The following KHDRBS3 variants were observed in gnomAD, a reference collection of about 807,000 sequenced individuals.
KHDRBS3 encodes the protein KH RNA binding domain containing, signal transduction associated 3, also known as KH domain-containing, RNA-binding, signal transduction-associated protein 3.
A neutral mutation model predicts 45.6 loss-of-function variants in KHDRBS3; 23 were observed. That is an observed-to-expected ratio of 0.50 (90% CI 0.36 to 0.72). The LOEUF (loss-of-function observed/expected upper bound fraction) is 0.72. KHDRBS3 is among the 30% of genes least tolerant of loss of function. The pLI is 0.00. For synonymous variants in KHDRBS3, 162 were observed against 156.5 expected (o/e 1.04, Z -0.26); for missense variants, 352 against 424.8 (o/e 0.83, Z 1.51).
At position 135,629,713 on chromosome 8, in the gene KHDRBS3, G is replaced by A. The variant is rs553633783; in HGVS notation, c.891-15346G>A. Among the ~76,000 whole-genome samples the A allele has an allele frequency of 2.6e-5, 4 of 152,348 alleles. No individual in the cohort carries two copies. In the East Asian group the frequency reaches 5.8e-4, roughly 22 times the overall value. ...AATACCTAGAATGTGAGATGGAGAG[G>A]CATTGGATTGAGGTGCAAAGAAATA... is the stretch of plus-strand genomic sequence containing the variant. On this transcript the variant is annotated intron_variant, in intron 7 of 8. Coordinates refer to ENST00000355849, the MANE Select transcript of KHDRBS3 (RefSeq NM_006558.3).
At chr8:135,615,755 C>A (rs1829889682) in intron 7 of KHDRBS3, among the ~76,000 whole-genome samples, 2 of 152,178 alleles carry the variant, frequency 1.3e-5, no homozygotes, top group Admixed American at 6.6e-5. Flanking sequence ...AGTATGAAGT[C>A]ACGAACAGGA....
intron 2 of KHDRBS3, among the ~76,000 whole-genome samples, chr8:135,536,877 A>G (rs6577647): frequency 0.8 from 117,606 of 147,206 alleles, 47,427 homozygotes; most frequent in East Asian, 0.96. Flanking sequence ...GGAGAATGGC[A>G]TGAACCCGGG....
At chr8:135,572,150 A>G (rs1827730858) in intron 5 of KHDRBS3, among the ~76,000 whole-genome samples, 1 of 152,214 alleles carries the variant, frequency 6.6e-6, no homozygotes, top group African/African-American at 2.4e-5. Flanking sequence ...GCTGATAGTT[A>G]GAAATGACAG....
chr8:135,553,209 A>C (rs1826700012), intron 4 of KHDRBS3, among the ~76,000 whole-genome samples: 1 of 151,804 alleles, frequency 6.6e-6, no homozygotes, highest in Non-Finnish European at 1.5e-5. Flanking sequence ...AGCAGGCCAG[A>C]CTCTCATATT....
intron 2 of KHDRBS3, chr8:135,539,878 A>G (rs1260563166): frequency 1.3e-5 from 2 of 152,220 alleles, no homozygotes; most frequent in Non-Finnish European, 2.9e-5. Flanking sequence ...AGAAACCCCT[A>G]AAGGTATATA....
intron 7 of KHDRBS3, among the ~76,000 whole-genome samples, chr8:135,617,161 C>A (rs374093046): frequency 2.6e-5 from 4 of 151,992 alleles, no homozygotes; most frequent in Non-Finnish European, 4.4e-5. Context: ...CATAATAGTT[C>A]AATAAATTTG....
At chr8:135,472,635 G>A (rs951477790) in intron 1 of KHDRBS3, among the ~76,000 whole-genome samples, 2 of 152,228 alleles carry the variant, frequency 1.3e-5, no homozygotes, top group East Asian at 1.9e-4. Context: ...GCTAAGGAGT[G>A]CAAATGTGTT....
At chr8:135,642,090 C>T (rs1831083654) in intron 7 of KHDRBS3, among the ~76,000 whole-genome samples, 1 of 152,160 alleles carries the variant, frequency 6.6e-6, no homozygotes, top group South Asian at 2.1e-4. Context: ...TTCATGTGGG[C>T]CCGACTTCTG....
chr8:135,548,702 A>G, intron 3 of KHDRBS3, 52 bp from the exon 4 acceptor site: 3 of 1,316,368 alleles, frequency 2.3e-6, no homozygotes, highest in Non-Finnish European at 3.0e-6. Flanking sequence ...TTTATCTTTC[A>G]TTTCTTATAA....
intron 7 of KHDRBS3, among the ~76,000 whole-genome samples, chr8:135,611,934 A>T (rs1829723580): frequency 6.6e-6 from 1 of 151,888 alleles, no homozygotes; most frequent in Admixed American, 6.6e-5. Flanking sequence ...AGTATCGAAT[A>T]GTAGACATTA....
At chr8:135,623,687 G>A (rs1321278687) in intron 7 of KHDRBS3, among the ~76,000 whole-genome samples, 2 of 151,936 alleles carry the variant, frequency 1.3e-5, no homozygotes, top group East Asian at 1.9e-4. Flanking sequence ...GAATTTTAGG[G>A]CAACAAAAGT....
chr8:135,548,789 CT>C lies in KHDRBS3; in HGVS notation c.362del (p.Phe121SerfsTer51). 6.3e-7 allele frequency: 1 copy of C among 1,577,788 alleles called. No individual in the cohort carries two copies. Among genetic ancestry groups the C allele is most frequent in the Non-Finnish European group, 8.6e-7 (1 of 1,162,076 alleles). ...ELRKSGEAKY[F>X]HLNDDLHVLI... ...TGAGGAAAAGTGGAGAAGCGAAGTACTTCCATCTCAATGATGATCTCCATGT... is the reference window on the plus strand; with the variant it reads ...TGAGGAAAAGTGGAGAAGCGAAGTACTCCATCTCAATGATGATCTCCATGT... On this transcript the variant is annotated frameshift_variant, in exon 4 of 9. Coordinates refer to ENST00000355849, the MANE Select transcript of KHDRBS3 (RefSeq NM_006558.3). LOFTEE classifies it high-confidence loss of function.
intron 7 of KHDRBS3, among the ~76,000 whole-genome samples, chr8:135,619,886 T>C (rs1218951463): frequency 6.6e-6 from 1 of 152,144 alleles, no homozygotes; most frequent in African/African-American, 2.4e-5. Context: ...GTGTAAAGCA[T>C]ATGTGGCAAT....
intron 7 of KHDRBS3, among the ~76,000 whole-genome samples, chr8:135,644,708 C>A (rs938721534): frequency 6.6e-6 from 1 of 152,240 alleles, no homozygotes; most frequent in Non-Finnish European, 1.5e-5. Context: ...CTAGAATTGT[C>A]CACACACATC....
intron 2 of KHDRBS3, among the ~76,000 whole-genome samples, chr8:135,533,354 A>G (rs1825576478): frequency 6.6e-6 from 1 of 152,194 alleles, no homozygotes; most frequent in South Asian, 2.1e-4. Context: ...CCAGTTGGAT[A>G]TGACAAGAAC....
At chr8:135,477,789 A>G (rs1303384535) in intron 1 of KHDRBS3, among the ~76,000 whole-genome samples, 1 of 152,244 alleles carries the variant, frequency 6.6e-6, no homozygotes, top group Non-Finnish European at 1.5e-5. Flanking sequence ...TGCAGGAGTC[A>G]GTCAGATAGG....
intron 6 of KHDRBS3, among the ~76,000 whole-genome samples, chr8:135,587,422 A>G (rs950169934): frequency 6.6e-6 from 1 of 152,204 alleles, no homozygotes; most frequent in South Asian, 2.1e-4. Flanking sequence ...ACTCTCAAAC[A>G]AGATAATTTA....
chr8:135,502,532 A>G (rs1265586953), intron 1 of KHDRBS3, among the ~76,000 whole-genome samples: 1 of 152,140 alleles, frequency 6.6e-6, no homozygotes, highest in Non-Finnish European at 1.5e-5. Flanking sequence ...CTTTTTATAA[A>G]AGTGCTTACA....
intron 5 of KHDRBS3, among the ~76,000 whole-genome samples, chr8:135,577,233 C>T (rs1162293119): frequency 6.6e-6 from 1 of 152,088 alleles, no homozygotes; most frequent in African/African-American, 2.4e-5. Flanking sequence ...TTCAGCATTG[C>T]ATCCTGAGAG....
Sources: allele counts gnomAD v4.1 joint callset (sites outside exome capture counted in the v4.1 genomes callset), GRCh38; gene constraint gnomAD v4.1.1; transcripts MANE v1.5; gene names NCBI Gene and HGNC (gene_info 2026-07-23, HGNC 2026-07-21).